CACNA2D3: variants seen among roughly 807,000 people sequenced by gnomAD.
CACNA2D3 encodes the protein voltage-dependent calcium channel subunit alpha-2/delta-3.
In CACNA2D3, 60 loss-of-function variants were observed where a neutral mutation model predicts 160.6. The observed-to-expected ratio is 0.37, with a 90% CI of 0.30 to 0.46. The LOEUF (loss-of-function observed/expected upper bound fraction) is 0.46, where lower values mean the gene tolerates loss of function less well. CACNA2D3 is among the 20% of genes least tolerant of loss of function. The pLI is 1.00. For missense variants in CACNA2D3, 1,205 were observed against 1,365.0 expected (o/e 0.88, Z 1.85); for synonymous variants, 558 against 492.9 (o/e 1.13, Z -1.75).
intron 2 of CACNA2D3, among the ~76,000 whole-genome samples, chr3:54,161,672 G>T (rs1015240735): frequency 3.3e-5 from 5 of 152,196 alleles, no homozygotes; most frequent in Non-Finnish European, 4.4e-5. Flanking sequence ...AATGACTGTT[G>T]CTTTTTTAGG....
chr3:54,267,541 A>C (rs1005363455), intron 2 of CACNA2D3, among the ~76,000 whole-genome samples: 1 of 152,196 alleles, frequency 6.6e-6, no homozygotes, highest in African/African-American at 2.4e-5. Context: ...TTAAGAGTGA[A>C]AAGTATCCTT....
intron 13 of CACNA2D3, among the ~76,000 whole-genome samples, chr3:54,767,156 T>G (rs1414320440): frequency 6.6e-6 from 1 of 151,982 alleles, no homozygotes; most frequent in Non-Finnish European, 1.5e-5. Context: ...ATGAATGTTC[T>G]GTGTATTCAA....
At chr3:54,492,089 G>A (rs1701119769) in intron 4 of CACNA2D3, among the ~76,000 whole-genome samples, 1 of 152,134 alleles carries the variant, frequency 6.6e-6, no homozygotes, top group African/African-American at 2.4e-5. Context: ...TGGTGATTAG[G>A]CCAGAGCTGC....
intron 2 of CACNA2D3, among the ~76,000 whole-genome samples, chr3:54,202,964 AT>A (rs961529813): frequency 6.6e-6 from 1 of 151,988 alleles, no homozygotes; most frequent in Non-Finnish European, 1.5e-5. Context: ...GGTTGGGAGG[AT>A]TTTTCTCTGG....
At chr3:54,805,414 C>T (rs1259517696) in intron 13 of CACNA2D3, among the ~76,000 whole-genome samples, 2 of 152,208 alleles carry the variant, frequency 1.3e-5, no homozygotes, top group African/African-American at 2.4e-5. Context: ...TCAGAGAATA[C>T]TACAAACACC....
chr3:54,937,387 G>A (rs926808681), intron 27 of CACNA2D3, among the ~76,000 whole-genome samples: 5 of 152,154 alleles, frequency 3.3e-5, no homozygotes, highest in Non-Finnish European at 2.9e-5. Flanking sequence ...GAGGGGGATT[G>A]GTTCCAGCAA....
rs1302804849 is a variant in CACNA2D3, at chr3:55,007,781, T to C, written c.2767-9T>C. The stretch of plus-strand genomic sequence containing the variant: ...CATTGTTTTTAATGAACTGAATTCT[T>C]CTCTTCAGCCTTATAATGCCTTCCT... On this transcript the variant is annotated splice_polypyrimidine_tract_variant and intron_variant, in intron 32 of 37. Transcript: ENST00000474759. 1 of 1,544,252 alleles carries C rather than the reference T, an allele frequency of 6.5e-7. No individual in the cohort carries two copies.
At chr3:54,792,973 C>T (rs543974020) in intron 13 of CACNA2D3, among the ~76,000 whole-genome samples, 1 of 152,310 alleles carries the variant, frequency 6.6e-6, no homozygotes, top group Admixed American at 6.5e-5. Context: ...TTTCTACAGA[C>T]TCCTTTTAGA....
intron 27 of CACNA2D3, among the ~76,000 whole-genome samples, chr3:54,900,786 G>A (rs1287382445): frequency 1.3e-5 from 2 of 152,218 alleles, no homozygotes; most frequent in African/African-American, 4.8e-5. Flanking sequence ...TATAAATGGA[G>A]CAGATGGAGG....
intron 35 of CACNA2D3, among the ~76,000 whole-genome samples, chr3:55,050,335 A>T (rs1010433520): frequency 1.3e-5 from 2 of 151,658 alleles, no homozygotes; most frequent in African/African-American, 4.9e-5. Flanking sequence ...CTTGTCTGTA[A>T]AGTATTTTAT....
intron 9 of CACNA2D3, among the ~76,000 whole-genome samples, chr3:54,596,971 C>T (rs1055459057): frequency 6.6e-6 from 1 of 152,134 alleles, no homozygotes; most frequent in Non-Finnish European, 1.5e-5. Context: ...GCCCTCCCCA[C>T]AGGCCAGCAT....
At position 54,165,717 on chromosome 3, in the gene CACNA2D3, G is replaced by A. The variant is rs183677208; in HGVS notation, c.204+42123G>A. Among the ~76,000 whole-genome samples the A allele has an allele frequency of 2.8e-4, 42 of 152,022 alleles. No individual in the cohort carries two copies. In the South Asian group the frequency reaches 5.2e-3, roughly 19 times the overall value. ...TTGAGCCGAGGTGGGAGGATTGCTC[G>A]AGCCCAGGTGTTTGAGGCTGCAGTG... is the stretch of plus-strand genomic sequence containing the variant. On this transcript the variant is annotated intron_variant, in intron 2 of 37. Transcript: ENST00000474759.
chr3:54,146,575 T>A (rs531213678), intron 2 of CACNA2D3, among the ~76,000 whole-genome samples: 1 of 152,182 alleles, frequency 6.6e-6, no homozygotes, highest in South Asian at 2.1e-4. Flanking sequence ...TTCCATGGGC[T>A]GACACAGGAA....
intron 33 of CACNA2D3, among the ~76,000 whole-genome samples, chr3:55,008,916 C>CAT (rs778522631): frequency 1.3e-5 from 2 of 151,550 alleles, no homozygotes; most frequent in Non-Finnish European, 2.9e-5. Context: ...CACACACACA[C>CAT]ACACACACAG....
At chr3:54,458,090 T>G (rs867906300) in intron 4 of CACNA2D3, among the ~76,000 whole-genome samples, 39 of 152,252 alleles carry the variant, frequency 2.6e-4, no homozygotes, top group Middle Eastern at 3.4e-3. Context: ...AGGTTATTAT[T>G]TGTAGGTGAG....
At chr3:54,134,034 G>A (rs1232735399) in intron 2 of CACNA2D3, among the ~76,000 whole-genome samples, 1 of 152,162 alleles carries the variant, frequency 6.6e-6, no homozygotes, top group Non-Finnish European at 1.5e-5. Context: ...CTCTGTTTTT[G>A]TTATTCCTAT....
At chr3:54,808,515 A>T (rs1391552663) in intron 13 of CACNA2D3, among the ~76,000 whole-genome samples, 1 of 152,136 alleles carries the variant, frequency 6.6e-6, no homozygotes, top group Non-Finnish European at 1.5e-5. Context: ...ATTAGACTAG[A>T]TTAGGTCACA....
At chr3:54,605,131 G>A (rs1698572491) in intron 9 of CACNA2D3, among the ~76,000 whole-genome samples, 1 of 152,152 alleles carries the variant, frequency 6.6e-6, no homozygotes, top group African/African-American at 2.4e-5. Flanking sequence ...GTGGCATTCT[G>A]TGTGTCTATC....
chr3:55,060,698 C>T (rs1704485720), intron 35 of CACNA2D3, among the ~76,000 whole-genome samples: 1 of 152,046 alleles, frequency 6.6e-6, no homozygotes, highest in South Asian at 2.1e-4. Context: ...AAACTCCTTA[C>T]TCTTCTTAAG....
Sources: allele counts gnomAD v4.1 joint callset (sites outside exome capture counted in the v4.1 genomes callset), GRCh38; gene constraint gnomAD v4.1.1; transcripts MANE v1.5; gene names NCBI Gene and HGNC (gene_info 2026-07-23, HGNC 2026-07-21).